The following ABCA10 variants were observed in gnomAD, a reference collection of about 807,000 sequenced individuals.
The protein encoded by ABCA10 is ATP-binding cassette sub-family A member 10.
ABCA10 carries 169 observed loss-of-function variants against 187.5 expected under a neutral mutation model. The observed-to-expected ratio is 0.90, with a 90% CI of 0.80 to 1.02. The LOEUF (loss-of-function observed/expected upper bound fraction) is 1.02, where lower values mean the gene tolerates loss of function less well. Ranked by LOEUF, ABCA10 falls within the 50% of genes least tolerant of loss-of-function variation. The probability of loss-of-function intolerance (pLI) is 0.00; values close to 1 mark genes in which losing one functional copy is unlikely to be tolerated. For synonymous variants in ABCA10, 574 were observed against 601.8 expected (o/e 0.95, Z 0.68); for missense variants, 1,727 against 1,812.4 (o/e 0.95, Z 0.86).
At chr17:69,233,532 T>C (rs1192008627), upstream of ABCA10, 1 of 152,234 alleles carries the variant, frequency 6.6e-6, no homozygotes, top group African/African-American at 2.4e-5. Flanking sequence ...GTCTGAAAGA[T>C]CACAATCCCC....
chr17:69,200,209 A>G (rs1306575880), intron 10 of ABCA10, among the ~76,000 whole-genome samples: 2 of 152,212 alleles, frequency 1.3e-5, no homozygotes, highest in Non-Finnish European at 2.9e-5. Context: ...ACACCTAGCA[A>G]TAGGCCATGT....
chr17:69,194,020 C>A (rs201210573), intron 12 of ABCA10, 31 bp from the exon 13 acceptor site: 100 of 1,528,976 alleles, frequency 6.5e-5, no homozygotes, highest in African/African-American at 9.8e-5. Flanking sequence ...GGCTTTACTG[C>A]CAGAATGTTA....
In ABCA10 at chr17:69,165,085, T is replaced by A. The variant is rs1271992047; in HGVS notation, c.3163-2A>T. On this transcript the variant is annotated splice_acceptor_variant, in intron 25 of 38. Transcript: ENST00000690296. LOFTEE classifies it high-confidence loss of function. ...AATTGTGGATACACATATTAAGATC[T>A]AGAAAAAAATCCAGAAGTATTATAA... 1 of 1,539,510 alleles carries A rather than the reference T, an allele frequency of 6.5e-7. No homozygotes were observed. Among genetic ancestry groups the A allele is most frequent in the East Asian group, 2.3e-5 (1 of 44,316 alleles).
chr17:69,211,235 AT>A (rs1415289646), intron 9 of ABCA10, among the ~76,000 whole-genome samples: 3 of 149,568 alleles, frequency 2.0e-5, no homozygotes, highest in Admixed American at 6.7e-5. Flanking sequence ...GCTTTAAATA[AT>A]GCCATTATTT....
chr17:69,187,105 A>C (rs1481934705), intron 19 of ABCA10, among the ~76,000 whole-genome samples: 1 of 152,164 alleles, frequency 6.6e-6, no homozygotes, highest in Non-Finnish European at 1.5e-5. Context: ...AAGAAGAAAA[A>C]AAAAAGAAAC....
chr17:69,196,770 C>G (rs112789642), intron 11 of ABCA10, among the ~76,000 whole-genome samples: 13,050 of 152,212 alleles, frequency 0.086, 721 homozygotes, highest in Admixed American at 0.16. Flanking sequence ...CAGCACCTCG[C>G]GAGGCTGAGG....
At chr17:69,210,227 G>A in intron 9 of ABCA10, among the ~76,000 whole-genome samples, 1 of 121,100 alleles carries the variant, frequency 8.3e-6, no homozygotes, top group African/African-American at 3.5e-5. Context: ...CTGTCGCCCA[G>A]GCCGGACTGC....
intron 15 of ABCA10, 62 bp downstream of exon 15, chr17:69,193,048 G>A: frequency 6.6e-7 from 1 of 1,524,418 alleles, no homozygotes; most frequent in Non-Finnish European, 8.7e-7. Flanking sequence ...AACAGGCTAT[G>A]AAAAATAACT....
At chr17:69,202,835 G>A (rs1475919588) in intron 9 of ABCA10, among the ~76,000 whole-genome samples, 1 of 152,122 alleles carries the variant, frequency 6.6e-6, no homozygotes, top group African/African-American at 2.4e-5. Flanking sequence ...GAAAATAAAT[G>A]AGATGGTGTT....
At chr17:69,194,634 A>C (rs1340548121) in intron 11 of ABCA10, 139 bp from the exon 12 acceptor site, 7 of 572,332 alleles carry the variant, frequency 1.2e-5, no homozygotes, top group Non-Finnish European at 2.1e-5. Context: ...TTATACATTT[A>C]ATTGTATAAG....
chr17:69,192,419 T>G, intron 16 of ABCA10, 144 bp downstream of exon 16: 1 of 625,622 alleles, frequency 1.6e-6, no homozygotes, highest in Non-Finnish European at 2.7e-6. Flanking sequence ...GAAATGTTAA[T>G]GAGGAAGACA....
chr17:69,148,910 A>G lies in ABCA10; in HGVS notation c.4549T>C (p.Cys1517Arg), dbSNP rs776855686. Residue 1517 changes from cysteine to arginine, a missense_variant, in exon 39 of 39, where the codon TGT (cysteine) becomes CGT (arginine). By Grantham distance (180) the Cys-to-Arg change is radical. Coordinates refer to ENST00000690296, the MANE Select transcript of ABCA10 (RefSeq NM_001377321.1). The stretch of plus-strand genomic sequence containing the variant: ...ACATTTCCCAGCTCCTGCTCTTTAC[A>G]GAGTTCTAAGAATACCTAAGTAAGA... ...ATLEQVFLEL[C>R]KEQELGNVDD... is the part of the protein sequence containing the mutation. 104 of 1,613,548 alleles carry G rather than the reference A, an allele frequency of 6.4e-5. No individual in the cohort carries two copies. The highest frequency in any genetic ancestry group is 8.3e-5 in the Non-Finnish European group (98 of 1,179,768).
At chr17:69,211,375 T>C (rs1403481776) in intron 9 of ABCA10, among the ~76,000 whole-genome samples, 1 of 142,604 alleles carries the variant, frequency 7.0e-6, no homozygotes, top group Non-Finnish European at 1.5e-5. Flanking sequence ...ACACACCACA[T>C]TTTCTTTATC....
intron 20 of ABCA10, among the ~76,000 whole-genome samples, chr17:69,183,326 A>C (rs2074394459): frequency 6.6e-6 from 1 of 152,042 alleles, no homozygotes; most frequent in South Asian, 2.1e-4. Context: ...TGTGCCCATT[A>C]TTTTTCTTGA....
At chr17:69,217,455 A>G (rs74936601) in intron 6 of ABCA10, among the ~76,000 whole-genome samples, 12,284 of 152,236 alleles carry the variant, frequency 0.081, 656 homozygotes, top group Admixed American at 0.16. Context: ...AAAAACCTGT[A>G]TATGAATGTT....
At chr17:69,149,172 A>T (rs2074110095) in intron 37 of ABCA10, 84 bp from the exon 38 acceptor site, 1 of 1,474,292 alleles carries the variant, frequency 6.8e-7, no homozygotes, top group Middle Eastern at 1.7e-4. Flanking sequence ...CAGTAGCTTC[A>T]AATTGTTTAG....
chr17:69,225,205 A>T, intron 3 of ABCA10, 120 bp downstream of exon 3: 1 of 1,114,350 alleles, frequency 9.0e-7, no homozygotes, highest in Non-Finnish European at 1.3e-6. Flanking sequence ...ATATATAATG[A>T]GAATCTTTGC....
chr17:69,181,197 G>A lies in ABCA10; in HGVS notation c.2769+956C>T, dbSNP rs139354695. Among the ~76,000 whole-genome samples the A allele has an allele frequency of 1.9e-3, 287 of 152,196 alleles. 1 individual carries two copies. The highest frequency in any genetic ancestry group is 3.3e-3 in the Non-Finnish European group (223 of 67,974). ...TGCATTTGCATTAATCAGCGTATAT[G>A]TCTTATATTCATCTAACTCTCCAGG... On this transcript the variant is annotated intron_variant, in intron 22 of 38. Coordinates refer to ENST00000690296, the MANE Select transcript of ABCA10 (RefSeq NM_001377321.1).
chr17:69,154,738 A>G (rs1250719362), intron 30 of ABCA10, among the ~76,000 whole-genome samples: 1 of 152,196 alleles, frequency 6.6e-6, no homozygotes, highest in Non-Finnish European at 1.5e-5. Flanking sequence ...ACATTTCTGA[A>G]ACAAATGCTT....
Sources: gnomAD v4.1 joint callset for allele counts (sites outside exome capture counted in the v4.1 genomes callset) on GRCh38, gnomAD v4.1.1 for gene constraint, MANE v1.5 for transcripts, NCBI Gene and HGNC (gene_info 2026-07-23, HGNC 2026-07-21) for gene names.